Variants in SPNS2 observed in about 807,000 individuals in gnomAD.
SPNS2 encodes the protein SPNS lysolipid transporter 2, sphingosine-1-phosphate.
SPNS2 carries 37 observed loss-of-function variants against 57.6 expected under a neutral mutation model. That is an observed-to-expected ratio of 0.64 (90% CI 0.49 to 0.85). SPNS2 has a LOEUF of 0.85. SPNS2 is among the 40% of genes least tolerant of loss of function. The probability of loss-of-function intolerance (pLI) is 0.00; values close to 1 mark genes in which losing one functional copy is unlikely to be tolerated. For missense variants in SPNS2, 831 were observed against 779.1 expected (o/e 1.07, Z -0.79); for synonymous variants, 440 against 346.9 (o/e 1.27, Z -2.98).
chr17:4,502,850 T>G (rs1904562779), intron 1 of SPNS2, among the ~76,000 whole-genome samples: 1 of 152,154 alleles, frequency 6.6e-6, no homozygotes, highest in Non-Finnish European at 1.5e-5. Flanking sequence ...CAGGACACCT[T>G]TGCAAGCCCC....
chr17:4,528,989 T>C (rs1485977999), intron 3 of SPNS2, among the ~76,000 whole-genome samples: 1 of 151,534 alleles, frequency 6.6e-6, no homozygotes, highest in Non-Finnish European at 1.5e-5. Context: ...CAGGCTGGAG[T>C]GCAGTGGCGC....
intron 1 of SPNS2, among the ~76,000 whole-genome samples, 191 bp from the exon 2 acceptor site, chr17:4,513,056 T>G (rs905108194): frequency 3.3e-5 from 5 of 152,204 alleles, no homozygotes; most frequent in African/African-American, 4.8e-5. Context: ...GGGAACAGGC[T>G]GAGGACAGGA....
chr17:4,510,164 G>A lies in SPNS2; in HGVS notation c.371-3083G>A, dbSNP rs1391025197. Among the ~76,000 whole-genome samples the A allele has an allele frequency of 6.6e-6, 1 of 152,244 alleles. No homozygotes were observed. The highest frequency in any genetic ancestry group is 1.5e-5 in the Non-Finnish European group (1 of 68,044). ...TCCAGGCCCGGAAGAGGGAAAGCAA[G>A]CCAGAAAGGTTCAGCCCAGGTCCGA... On this transcript the variant is annotated intron_variant, in intron 1 of 12. Transcript: ENST00000329078. This position sits in a 1 kb window ranked among gnomAD's most constrained non-coding sequence, Gnocchi z 4.4.
intron 2 of SPNS2, among the ~76,000 whole-genome samples, chr17:4,524,069 G>A (rs4790641): frequency 0.59 from 89,695 of 151,972 alleles, 27,336 homozygotes; most frequent in East Asian, 0.81. Context: ...AAGGCCCTGC[G>A]GCGCGCTGGG....
intron 5 of SPNS2, among the ~76,000 whole-genome samples, chr17:4,531,580 C>T (rs994579046): frequency 1.1e-4 from 16 of 152,082 alleles, no homozygotes; most frequent in African/African-American, 2.2e-4. Context: ...ACAGCGCAAT[C>T]GGAGGAAACA....
Position 4,512,452 on chromosome 17 carries a change from C to T in SPNS2, c.371-795C>T, listed in dbSNP as rs1183840390. ...TGGTTTCTGGGTGGTCCAGCTGCTG[C>T]CCCCACCCCGTGACGTGCAAAGCCC... On this transcript the variant is annotated intron_variant, in intron 1 of 12. Coordinates refer to ENST00000329078, the MANE Select transcript of SPNS2 (RefSeq NM_001124758.3). The surrounding 1 kb of genome is among the most constrained non-coding windows in gnomAD (Gnocchi z 5.2). Among the ~76,000 whole-genome samples, 2 of 152,090 alleles carry T rather than the reference C, an allele frequency of 1.3e-5. No individual in the cohort carries two copies. Among genetic ancestry groups the T allele is most frequent in the Admixed American group, 6.5e-5 (1 of 15,274 alleles).
intron 1 of SPNS2, among the ~76,000 whole-genome samples, chr17:4,502,745 T>C (rs1904558302): frequency 6.6e-6 from 1 of 152,150 alleles, no homozygotes; most frequent in Admixed American, 6.5e-5. Flanking sequence ...CCAGCTGCCT[T>C]CTCCTTCATG....
chr17:4,503,150 A>G (rs911587692), intron 1 of SPNS2, among the ~76,000 whole-genome samples: 2 of 152,150 alleles, frequency 1.3e-5, no homozygotes, highest in Non-Finnish European at 2.9e-5. Context: ...ACACTTACCC[A>G]AGGTCACACG....
intron 2 of SPNS2, among the ~76,000 whole-genome samples, chr17:4,517,559 G>A (rs923715240): frequency 3.3e-5 from 5 of 152,164 alleles, no homozygotes; most frequent in Admixed American, 6.5e-5. Context: ...AGGAGGCTGA[G>A]GCAGGAGAAT....
chr17:4,501,537 C>T (rs1904512943), intron 1 of SPNS2, among the ~76,000 whole-genome samples: 1 of 152,184 alleles, frequency 6.6e-6, no homozygotes, highest in African/African-American at 2.4e-5. Context: ...GCCTCCCTCC[C>T]TCTCCTGGCC....
intron 2 of SPNS2, 134 bp downstream of exon 2, chr17:4,513,446 C>T: frequency 1.1e-6 from 1 of 895,500 alleles, no homozygotes; most frequent in East Asian, 2.6e-5. Context: ...CTTTGCATCC[C>T]AGTCTCACTA....
rs1048384449 is a variant in SPNS2 at position 4,532,702 on chromosome 17, G to A, written c.935+18G>A. 1 of 1,611,580 alleles carries A rather than the reference G, an allele frequency of 6.2e-7. No individual in the cohort carries two copies. The highest frequency in any genetic ancestry group is 2.2e-5 in the East Asian group (1 of 44,842). ...ATTCGAAAGTGAGTACCGCGGGAAGGGGTCTGGTGGGAAGAGAGAGGGGTG... is the reference window on the plus strand; with the variant it reads ...ATTCGAAAGTGAGTACCGCGGGAAGAGGTCTGGTGGGAAGAGAGAGGGGTG... On this transcript the variant is annotated intron_variant, in intron 6 of 12. Coordinates refer to ENST00000329078, the MANE Select transcript of SPNS2 (RefSeq NM_001124758.3).
intron 1 of SPNS2, among the ~76,000 whole-genome samples, chr17:4,501,241 G>A (rs1037871645): frequency 7.2e-5 from 11 of 152,218 alleles, no homozygotes; most frequent in African/African-American, 1.9e-4. Flanking sequence ...GCACTGTAGC[G>A]CTCTCCAACT....
At position 4,530,718 on chromosome 17, in the gene SPNS2, C is replaced by T. The variant is rs1418353011; in HGVS notation, c.660C>T (p.Asp220=). The change falls in exon 4 of 13, where the codon GAC becomes GAT. Residue 220 remains aspartate (D), a synonymous_variant. Transcript: ENST00000329078. ...CCATCGCCCCCACTATCATTGGCGACCTCTTCACCAAGAACACGCGTACGC... is the reference window on the plus strand; with the variant it reads ...CCATCGCCCCCACTATCATTGGCGATCTCTTCACCAAGAACACGCGTACGC... ...YSTIAPTIIG[D]LFTKNTRTLM... is the part of the protein sequence containing the mutation. The T allele has an allele frequency of 6.2e-7, 1 of 1,614,058 alleles. No homozygotes were observed. The highest frequency in any genetic ancestry group is 8.5e-7 in the Non-Finnish European group (1 of 1,179,980).
In SPNS2 at chr17:4,530,644, C is replaced by T; in HGVS notation, c.586C>T (p.Leu196=). ...CCCCTCCTCACAGTACTTCTGGCTGCTGGTCCTGTCCCGGGGGCTGGTGGG... is the reference window on the plus strand; with the variant it reads ...CCCCTCCTCACAGTACTTCTGGCTGTTGGTCCTGTCCCGGGGGCTGGTGGG... ...SFIPQQYFWL[L]VLSRGLVGIG... Residue 196 remains leucine, a synonymous_variant, in exon 4 of 13, where the codon CTG becomes TTG. Transcript: ENST00000329078. The T allele has an allele frequency of 6.2e-7, 1 of 1,612,524 alleles. No homozygotes were observed. The highest frequency in any genetic ancestry group is 8.5e-7 in the Non-Finnish European group (1 of 1,179,502).
At chr17:4,522,055 C>T (rs927653875) in intron 2 of SPNS2, among the ~76,000 whole-genome samples, 16 of 152,166 alleles carry the variant, frequency 1.1e-4, no homozygotes, top group Non-Finnish European at 1.5e-5. Context: ...AAAAATTAGC[C>T]GGGCGTGGTG....
chr17:4,536,629 G>A (rs1393058785), intron 11 of SPNS2: 4 of 715,344 alleles, frequency 5.6e-6, no homozygotes, highest in Non-Finnish European at 6.8e-6. Context: ...GTGTCTGGTG[G>A]ATCCAGACTT....
At chr17:4,522,711 T>C (rs1250412307) in intron 2 of SPNS2, among the ~76,000 whole-genome samples, 1 of 152,190 alleles carries the variant, frequency 6.6e-6, no homozygotes, top group Non-Finnish European at 1.5e-5. Context: ...TCCCAGCCTT[T>C]GTCTGGCCAT....
At position 4,538,061 on chromosome 17, in the gene SPNS2, ACACTGTCTCACTGTCTCGG is replaced by A; in HGVS notation, c.*614_*632del. ...CAAGTCTCTGGGTACTCCCTGGAGG[ACACTGTCTCACTGTCTCGG>A]GTTGGCTCCCAGCCTGGAGGTCCCA... On this transcript the variant is annotated 3_prime_UTR_variant, in exon 13 of 13. Transcript: ENST00000329078. The A allele has an allele frequency of 8.7e-6, 3 of 344,058 alleles. No individual in the cohort carries two copies. Among genetic ancestry groups the A allele is most frequent in the Non-Finnish European group, 1.7e-5 (3 of 172,426 alleles). The allele number at this position is 344,058 out of a possible 1,614,324, so 21.3% of individuals were successfully genotyped here.
Sources: allele counts gnomAD v4.1 joint callset (sites outside exome capture counted in the v4.1 genomes callset), GRCh38; gene constraint gnomAD v4.1.1; non-coding constraint Gnocchi (gnomAD v3.1); transcripts MANE v1.5; gene names NCBI Gene and HGNC (gene_info 2026-07-23, HGNC 2026-07-21).